Variants in CTPS1 observed in about 807,000 individuals in gnomAD.
CTPS1 encodes CTP synthase 1, also known as CTP synthetase 1.
CTPS1 carries 25 observed loss-of-function variants against 80.5 expected under a neutral mutation model. That is an observed-to-expected ratio of 0.31 (90% CI 0.23 to 0.43). The LOEUF (loss-of-function observed/expected upper bound fraction) is 0.43, where lower values mean the gene tolerates loss of function less well. Ranked by LOEUF, CTPS1 falls within the 20% of genes least tolerant of loss-of-function variation. The probability of loss-of-function intolerance (pLI) is 1.00; values close to 1 mark genes in which losing one functional copy is unlikely to be tolerated. For synonymous variants in CTPS1, 267 were observed against 252.5 expected (o/e 1.06, Z -0.54); for missense variants, 442 against 725.7 (o/e 0.61, Z 4.49).
At chr1:41,003,540 T>C (rs1305195680) in intron 12 of CTPS1, among the ~76,000 whole-genome samples, 1 of 152,220 alleles carries the variant, frequency 6.6e-6, no homozygotes. Flanking sequence ...CTATTGAAAC[T>C]GGGCTCAGAT....
chr1:41,003,088 G>T, intron 11 of CTPS1, 26 bp from the exon 12 acceptor site: 1 of 1,613,940 alleles, frequency 6.2e-7, no homozygotes, highest in African/African-American at 1.3e-5. Flanking sequence ...ATGGAGTTTT[G>T]TTTGTTTTTT....
At position 41,001,053 on chromosome 1, in the gene CTPS1, C is replaced by T; in HGVS notation, c.1030C>T (p.Pro344Ser). ...IKYIDSADLE[P>S]ITSQEEPVRY... is the part of the protein sequence containing the mutation. Reference sequence around the variant, plus strand: ...GTACATAGATTCTGCGGACTTGGAGCCCATCACCTCGCAAGAAGAGCCCGT... The same window carrying T: ...GTACATAGATTCTGCGGACTTGGAGTCCATCACCTCGCAAGAAGAGCCCGT... Residue 344 changes from proline (P) to serine (S), a missense_variant, in exon 10 of 19, where the codon CCC becomes TCC. Coordinates refer to ENST00000650070, the MANE Select transcript of CTPS1 (RefSeq NM_001905.4). The T allele has an allele frequency of 6.2e-7, 1 of 1,612,192 alleles. No homozygotes were observed. Among genetic ancestry groups the T allele is most frequent in the Non-Finnish European group, 8.5e-7 (1 of 1,179,302 alleles).
intron 13 of CTPS1, among the ~76,000 whole-genome samples, chr1:41,006,429 T>TA (rs1192745360): frequency 6.6e-6 from 1 of 152,214 alleles, no homozygotes; most frequent in Non-Finnish European, 1.5e-5. Context: ...CATGTGTACT[T>TA]ACTGTGTGCC....
At chr1:41,003,516 CCTGGGCTCTGGAGCTATTGAAA>C (rs1642958996) in intron 12 of CTPS1, among the ~76,000 whole-genome samples, 2 of 152,150 alleles carry the variant, frequency 1.3e-5, no homozygotes, top group African/African-American at 4.8e-5. Flanking sequence ...ATTATGAGAA[CCTGGGCTCTGGAGCTATTGAAA>C]CTGGGCTCAG....
intron 12 of CTPS1, chr1:41,003,871 A>AC (rs1248771559): frequency 1.3e-5 from 2 of 152,266 alleles, no homozygotes; most frequent in African/African-American, 4.8e-5. Context: ...CTGAGATGGC[A>AC]CACTCCTGCC....
At chr1:40,990,041 A>T (rs1642561316) in intron 5 of CTPS1, among the ~76,000 whole-genome samples, 1 of 152,134 alleles carries the variant, frequency 6.6e-6, no homozygotes, top group Non-Finnish European at 1.5e-5. Context: ...CCCAGGGGTC[A>T]GCAAATGATG....
chr1:41,001,668 G>C (rs1642907962), intron 10 of CTPS1: 2 of 156,666 alleles, frequency 1.3e-5, no homozygotes, highest in Admixed American at 6.3e-5. Flanking sequence ...CTAAAACTTT[G>C]AGAGGCTGAG....
At chr1:40,996,583 C>G (rs146773776) in intron 8 of CTPS1, among the ~76,000 whole-genome samples, 1 of 152,206 alleles carries the variant, frequency 6.6e-6, no homozygotes, top group Non-Finnish European at 1.5e-5. Flanking sequence ...ATCTTCACTT[C>G]GTGTCTTAGA....
intron 1 of CTPS1, chr1:40,982,045 T>G (rs1489319297): frequency 7.8e-7 from 1 of 1,278,502 alleles, no homozygotes; most frequent in Non-Finnish European, 1.0e-6. Flanking sequence ...TGGTCACATT[T>G]GGGTTTGCTG....
At chr1:40,996,296 A>G (rs944502134) in intron 8 of CTPS1, among the ~76,000 whole-genome samples, 2 of 152,124 alleles carry the variant, frequency 1.3e-5, no homozygotes, top group Admixed American at 6.5e-5. Flanking sequence ...CCTCCAGACA[A>G]TGAGTTCGGG....
At chr1:41,006,733 A>G (rs982504822) in intron 13 of CTPS1, among the ~76,000 whole-genome samples, 2 of 152,232 alleles carry the variant, frequency 1.3e-5, no homozygotes, top group Admixed American at 1.3e-4. Context: ...TTCAGCAGTC[A>G]GCAAATGTGA....
intron 9 of CTPS1, 122 bp downstream of exon 9, chr1:40,997,648 T>C (rs1164434786): frequency 8.0e-7 from 1 of 1,244,102 alleles, no homozygotes; most frequent in Non-Finnish European, 1.1e-6. Flanking sequence ...GGAATTACTT[T>C]TTAAGGATTA....
chr1:40,982,552 G>C (rs1642342187), intron 1 of CTPS1, among the ~76,000 whole-genome samples: 2 of 152,098 alleles, frequency 1.3e-5, no homozygotes, highest in African/African-American at 4.8e-5. Context: ...ATCACAGCCG[G>C]CTAATTTTTG....
At chr1:41,002,010 T>C in intron 10 of CTPS1, 150 bp from the exon 11 acceptor site, 2 of 702,996 alleles carry the variant, frequency 2.8e-6, no homozygotes, top group Non-Finnish European at 5.1e-6. Context: ...TCTAAGTTGA[T>C]AGTGTTTACA....
intron 9 of CTPS1, 31 bp from the exon 10 acceptor site, chr1:41,000,998 T>G: frequency 1.3e-6 from 2 of 1,528,926 alleles, no homozygotes; most frequent in African/African-American, 2.8e-5. Context: ...GTCACGAGCC[T>G]GCTTTTCTCC....
intron 2 of CTPS1, 22 bp downstream of exon 2, chr1:40,983,478 A>G (rs141619431): frequency 7.3e-4 from 1,147 of 1,576,842 alleles, no homozygotes; most frequent in Admixed American, 4.3e-3. Context: ...GGATTTCTTC[A>G]TAATAATTGC....
chr1:41,010,307 C>T lies in CTPS1; in HGVS notation c.*9+53C>T, dbSNP rs117636438. 2.1e-3 allele frequency: 2,649 copies of T among 1,246,624 alleles called. 78 individuals are homozygous for T. The East Asian group carries it at 0.056, about 26-fold the overall frequency. The allele number at this position is 1,246,624 out of a possible 1,614,324, so 77.2% of individuals were successfully genotyped here. ...TTAAAAACATGGTGATAACACACTG[C>T]GATTGCAAGAATATCATGGAAGTTT... On this transcript the variant is annotated intron_variant, in intron 18 of 18. Coordinates refer to ENST00000650070, the MANE Select transcript of CTPS1 (RefSeq NM_001905.4).
At chr1:41,001,532 C>T (rs1642904944) in intron 10 of CTPS1, 2 of 176,930 alleles carry the variant, frequency 1.1e-5, no homozygotes, top group South Asian at 2.4e-4. Context: ...GTCAGTACGG[C>T]ACACAGAGCT....
Position 41,007,667 on chromosome 1 carries a change from G to A in CTPS1, c.1393+122G>A. On this transcript the variant is annotated intron_variant, in intron 14 of 18. Transcript: ENST00000650070. The surrounding 1 kb of genome is among the most constrained non-coding windows in gnomAD (Gnocchi z 4.4). ...TTTTGGTTTCGTTCTTGCTTTTGAA[G>A]TTCATTCTTTCCTCTCTTATTCATA... The A allele has an allele frequency of 1.4e-6, 1 of 728,362 alleles. No individual in the cohort carries two copies. Among genetic ancestry groups the A allele is most frequent in the African/African-American group, 1.8e-5 (1 of 57,024 alleles). 45.1% of individuals were successfully genotyped at this position (728,362 alleles called of 1,614,324 possible).
Sources: allele counts gnomAD v4.1 joint callset (sites outside exome capture counted in the v4.1 genomes callset), GRCh38; gene constraint gnomAD v4.1.1; non-coding constraint Gnocchi (gnomAD v3.1); transcripts MANE v1.5; gene names NCBI Gene and HGNC (gene_info 2026-07-23, HGNC 2026-07-21).